SGCD: variants seen among roughly 807,000 people sequenced by gnomAD.
The protein encoded by SGCD is delta-sarcoglycan.
In SGCD, 18 loss-of-function variants were observed where a neutral mutation model predicts 36.6. The ratio of observed to expected loss-of-function variants is 0.49; its 90% CI spans 0.34 to 0.73. The LOEUF (loss-of-function observed/expected upper bound fraction) is 0.73, where lower values mean the gene tolerates loss of function less well. SGCD is among the 30% of genes least tolerant of loss of function. The probability of loss-of-function intolerance (pLI) is 0.01; values close to 1 mark genes in which losing one functional copy is unlikely to be tolerated. For missense variants in SGCD, 387 were observed against 346.7 expected (o/e 1.12, Z -0.92); for synonymous variants, 133 against 130.6 (o/e 1.02, Z -0.12).
intron 3 of SGCD, among the ~76,000 whole-genome samples, chr5:156,505,563 G>C (rs930863072): frequency 6.6e-6 from 1 of 152,176 alleles, no homozygotes; most frequent in Non-Finnish European, 1.5e-5. Flanking sequence ...GTGCAAACTA[G>C]AGACTGTATG....
chr5:156,722,773 G>A (rs1755572864), intron 7 of SGCD, among the ~76,000 whole-genome samples: 1 of 152,114 alleles, frequency 6.6e-6, no homozygotes, highest in Admixed American at 6.6e-5. Context: ...TTCCACTTAT[G>A]GGATGTTTTG....
At chr5:156,429,731 AG>A (rs894284335) in intron 3 of SGCD, among the ~76,000 whole-genome samples, 1 of 152,080 alleles carries the variant, frequency 6.6e-6, no homozygotes, top group Non-Finnish European at 1.5e-5. Flanking sequence ...AAATTCTCTC[AG>A]CATTTGTTTG....
At chr5:155,867,591 G>T (rs1275067763), upstream of SGCD, among the ~76,000 whole-genome samples, 1 of 152,172 alleles carries the variant, frequency 6.6e-6, no homozygotes, top group African/African-American at 2.4e-5. Context: ...TATCATGGAA[G>T]ATCCCTGCTG....
chr5:156,104,727 A>G (rs1761603672), intron 1 of SGCD, among the ~76,000 whole-genome samples: 1 of 152,238 alleles, frequency 6.6e-6, no homozygotes, highest in Non-Finnish European at 1.5e-5. Context: ...AAAACAGTAT[A>G]GCAAAATTGA....
chr5:156,152,676 A>G lies in SGCD; in HGVS notation c.-44+28657A>G, dbSNP rs1256010623. On this transcript the variant is annotated intron_variant, in intron 3 of 9. Transcript: ENST00000517913. ...TAGTATTTCTTATACATTGGGTTAA[A>G]GTATATTGAAACTTCACCTTTTCTT... Among the ~76,000 whole-genome samples the G allele has an allele frequency of 1.3e-5, 2 of 151,762 alleles. 1 individual carries two copies. Among genetic ancestry groups the G allele is most frequent in the African/African-American group, 4.9e-5 (2 of 41,042 alleles).
intron 7 of SGCD, chr5:156,739,941 A>C (rs1756583894): frequency 6.6e-6 from 1 of 152,188 alleles, no homozygotes; most frequent in Non-Finnish European, 1.5e-5. Flanking sequence ...GGATTCACTT[A>C]TGGTTTATGA....
intron 3 of SGCD, among the ~76,000 whole-genome samples, chr5:156,381,738 A>G (rs1770990900): frequency 6.6e-6 from 1 of 152,222 alleles, no homozygotes; most frequent in African/African-American, 2.4e-5. Flanking sequence ...TTTGGTACAC[A>G]GCAGAAAGGG....
intron 6 of SGCD, among the ~76,000 whole-genome samples, chr5:156,605,438 C>G (rs141749916): frequency 6.6e-6 from 1 of 152,144 alleles, no homozygotes; most frequent in Non-Finnish European, 1.5e-5. Flanking sequence ...TTTCTTAATC[C>G]AGTCTATTAT....
chr5:156,009,582 A>G (rs1015860440), intron 1 of SGCD, among the ~76,000 whole-genome samples: 3 of 152,216 alleles, frequency 2.0e-5, no homozygotes, highest in African/African-American at 7.2e-5. Flanking sequence ...TTGATTGCTA[A>G]TACAACGTTC....
chr5:156,199,710 C>T (rs774758110), intron 3 of SGCD, among the ~76,000 whole-genome samples: 1 of 152,078 alleles, frequency 6.6e-6, no homozygotes, highest in Non-Finnish European at 1.5e-5. Flanking sequence ...CATTCACTCA[C>T]CAAAAATCTA....
chr5:156,414,002 G>A (rs1273024382), intron 3 of SGCD, among the ~76,000 whole-genome samples: 1 of 152,118 alleles, frequency 6.6e-6, no homozygotes, highest in East Asian at 1.9e-4. Flanking sequence ...TTGAATTCAG[G>A]GAATGCACAG....
chr5:156,193,874 G>T (rs1310512455), intron 3 of SGCD, among the ~76,000 whole-genome samples: 1 of 152,186 alleles, frequency 6.6e-6, no homozygotes, highest in Middle Eastern at 3.2e-3. Context: ...TCTGATGGCT[G>T]CATGAATGGC....
intron 3 of SGCD, among the ~76,000 whole-genome samples, chr5:156,416,289 T>G (rs1773028232): frequency 6.6e-6 from 1 of 152,212 alleles, no homozygotes; most frequent in Non-Finnish European, 1.5e-5. Context: ...CATTGTATGT[T>G]CTCACTCATA....
At chr5:156,068,445 C>T (rs183914736) in intron 1 of SGCD, among the ~76,000 whole-genome samples, 30 of 152,242 alleles carry the variant, frequency 2.0e-4, no homozygotes, top group African/African-American at 7.0e-4. Context: ...CTACAAAGGA[C>T]ATGAACTCCT....
intron 1 of SGCD, among the ~76,000 whole-genome samples, chr5:156,086,043 A>C (rs1761083741): frequency 6.6e-6 from 1 of 152,132 alleles, no homozygotes; most frequent in Non-Finnish European, 1.5e-5. Flanking sequence ...CTTTTTCTAT[A>C]GTTTTCATAG....
intron 4 of SGCD, among the ~76,000 whole-genome samples, chr5:156,569,134 C>T (rs1363180441): frequency 1.3e-5 from 2 of 152,062 alleles, no homozygotes; most frequent in African/African-American, 2.4e-5. Context: ...TGGCAGTCAG[C>T]GAACTCAGCG....
rs569200060 is a variant in SGCD, at chr5:156,438,182, TGTA to T, written c.193-70416_193-70414del. ...TTTTGGAAAACCATAAATGAGTTAATGTAGTGTTCAGGACAAGCTGTGAACTGG... is the reference window on the plus strand; with the variant it reads ...TTTTGGAAAACCATAAATGAGTTAATGTGTTCAGGACAAGCTGTGAACTGG... On this transcript the variant is annotated intron_variant, in intron 3 of 8. Transcript: ENST00000337851. Among the ~76,000 whole-genome samples, 3 of 152,254 alleles carry T rather than the reference TGTA, an allele frequency of 2.0e-5. No individual in the cohort carries two copies. In the South Asian group the frequency reaches 6.2e-4, roughly 32 times the overall value.
chr5:156,196,034 CT>C (rs1484745062), intron 3 of SGCD, among the ~76,000 whole-genome samples: 1 of 152,110 alleles, frequency 6.6e-6, no homozygotes, highest in Non-Finnish European at 1.5e-5. Flanking sequence ...AGGAGGGCCC[CT>C]TTTCTAAAGT....
At chr5:156,546,644 T>C (rs1758586426) in intron 4 of SGCD, among the ~76,000 whole-genome samples, 1 of 152,130 alleles carries the variant, frequency 6.6e-6, no homozygotes. Context: ...TCAAGATAAT[T>C]AGAGAAAGCT....
Sources: gnomAD v4.1 joint callset for allele counts (sites outside exome capture counted in the v4.1 genomes callset) on GRCh38, gnomAD v4.1.1 for gene constraint, MANE v1.5 for transcripts, NCBI Gene and HGNC (gene_info 2026-07-23, HGNC 2026-07-21) for gene names.